The following SLC18A1 variants were observed in gnomAD, a reference collection of about 807,000 sequenced individuals.
The protein encoded by SLC18A1 is chromaffin granule amine transporter.
A neutral mutation model predicts 53.7 loss-of-function variants in SLC18A1; 69 were observed. That is an observed-to-expected ratio of 1.28 (90% CI 1.06 to 1.57). The LOEUF is 1.57. Ranked by LOEUF, SLC18A1 falls within the 40% of genes most tolerant of loss-of-function variation. The probability of loss-of-function intolerance (pLI) is 0.00; values close to 1 mark genes in which losing one functional copy is unlikely to be tolerated. For missense variants in SLC18A1, 932 were observed against 668.1 expected (o/e 1.40, Z -4.35); for synonymous variants, 320 against 248.1 (o/e 1.29, Z -2.72).
intron 8 of SLC18A1, among the ~76,000 whole-genome samples, chr8:20,170,891 C>T (rs1232698139): frequency 6.6e-6 from 1 of 152,166 alleles, no homozygotes; most frequent in Non-Finnish European, 1.5e-5. Flanking sequence ...GCACAAGGTT[C>T]TTCCACCATC....
chr8:20,166,321 A>G (rs188328337), intron 8 of SLC18A1, among the ~76,000 whole-genome samples: 4,355 of 97,070 alleles, frequency 0.045, 158 homozygotes, highest in Middle Eastern at 0.095. Flanking sequence ...ATATATATAT[A>G]TATATATATA....
rs1156842822 is a variant in SLC18A1 at position 20,180,876 on chromosome 8, G to C, written c.89C>G (p.Ala30Gly). Residue 30 changes from alanine to glycine, a missense_variant, in exon 2 of 16, where the codon GCT (alanine) becomes GGT (glycine). Physicochemically the swap from Ala to Gly is moderately conservative, Grantham distance 60. Coordinates refer to ENST00000276373, the MANE Select transcript of SLC18A1 (RefSeq NM_003053.4). ...AAACAGCATGTTGTCCAGGAGCAAA[G>C]CGACGAATACCACCACCAGCACCAG... ...RQLVLVVVFV[A>G]LLLDNMLFTV... The C allele has an allele frequency of 6.2e-7, 1 of 1,614,056 alleles. No individual in the cohort carries two copies. Among genetic ancestry groups the C allele is most frequent in the Non-Finnish European group, 8.5e-7 (1 of 1,179,968 alleles).
Position 20,171,151 on chromosome 8 carries a change from G to T in SLC18A1, c.815-5C>A, listed in dbSNP as rs368655923. The T allele has an allele frequency of 6.2e-7, 1 of 1,614,034 alleles. No individual in the cohort carries two copies. The highest frequency in any genetic ancestry group is 2.2e-5 in the East Asian group (1 of 44,896). The stretch of plus-strand genomic sequence containing the variant: ...GTAGGATGCAAAGCTGGAGTGCTAA[G>T]AAACAAAGAAGGTGAGACAGTTCAG... On this transcript the variant is annotated splice_region_variant and splice_polypyrimidine_tract_variant and intron_variant, in intron 7 of 15. Coordinates refer to ENST00000276373, the MANE Select transcript of SLC18A1 (RefSeq NM_003053.4).
chr8:20,176,396 G>A (rs898766715), intron 4 of SLC18A1, among the ~76,000 whole-genome samples: 1 of 152,162 alleles, frequency 6.6e-6, no homozygotes, highest in Non-Finnish European at 1.5e-5. Flanking sequence ...GCAGAACCAT[G>A]AGCCAACAAA....
chr8:20,170,626 A>G (rs538725855), intron 8 of SLC18A1, among the ~76,000 whole-genome samples: 1 of 152,276 alleles, frequency 6.6e-6, no homozygotes, highest in East Asian at 1.9e-4. Flanking sequence ...AGGGATATTC[A>G]CACAGGATGT....
At chr8:20,175,688 G>A (rs1363770909) in intron 4 of SLC18A1, 1 of 152,144 alleles carries the variant, frequency 6.6e-6, no homozygotes, top group Non-Finnish European at 1.5e-5. Context: ...CCAGAAAAAT[G>A]TCTCCTAGGG....
intron 8 of SLC18A1, among the ~76,000 whole-genome samples, chr8:20,166,326 T>C (rs2071962419): frequency 1.1e-5 from 1 of 93,816 alleles, no homozygotes; most frequent in Non-Finnish European, 2.1e-5. Flanking sequence ...TATATATATA[T>C]ATATACACCA....
At chr8:20,176,407 C>G (rs1216964257) in intron 4 of SLC18A1, among the ~76,000 whole-genome samples, 1 of 152,160 alleles carries the variant, frequency 6.6e-6, no homozygotes, top group Non-Finnish European at 1.5e-5. Flanking sequence ...AGCCAACAAA[C>G]CTCTTTCTAA....
intron 8 of SLC18A1, among the ~76,000 whole-genome samples, chr8:20,170,544 C>T (rs35946395): frequency 0.22 from 33,359 of 151,984 alleles, 3,824 homozygotes; most frequent in South Asian, 0.25. Flanking sequence ...ATGGATTTTC[C>T]AGAGCTGTTT....
In SLC18A1 at chr8:20,174,396, A is replaced by T. The variant is rs1411062954; in HGVS notation, c.596T>A (p.Leu199His). Residue 199 changes from leucine (L) to histidine (H), a missense_variant, in exon 5 of 16, where the codon CTT becomes CAT. Transcript: ENST00000276373. ...TYTLLFVART[L>H]QGIGSSFSSV... ...TGAAAATGAAGATCCAATGCCTTGA[A>T]GGGTTCGGGCCACAAAGAGTAGAGT... The T allele has an allele frequency of 1.2e-6, 2 of 1,613,994 alleles. No homozygotes were observed. Among genetic ancestry groups the T allele is most frequent in the Admixed American group, 3.3e-5 (2 of 59,998 alleles).
chr8:20,156,161 G>C (rs2128870757), intron 10 of SLC18A1, among the ~76,000 whole-genome samples: 1 of 152,092 alleles, frequency 6.6e-6, no homozygotes, highest in Non-Finnish European at 1.5e-5. Context: ...TCAATCTGTA[G>C]TGGCAACTGC....
intron 8 of SLC18A1, among the ~76,000 whole-genome samples, chr8:20,167,726 T>C (rs1378293226): frequency 6.6e-6 from 1 of 152,064 alleles, no homozygotes; most frequent in Non-Finnish European, 1.5e-5. Flanking sequence ...GTTCATGCCA[T>C]TCTCCTGCCT....
In SLC18A1 at chr8:20,147,404, C is replaced by T. The variant is rs765732863; in HGVS notation, c.1331-13G>A. On this transcript the variant is annotated splice_polypyrimidine_tract_variant and intron_variant, in intron 14 of 15. Coordinates refer to ENST00000276373, the MANE Select transcript of SLC18A1 (RefSeq NM_003053.4). ...CCGGTGGATGGACCTGGGAGGGATA[C>T]ATCAAAGTCATAAGTGTCTATGGAG... 1.0e-5 allele frequency: 16 copies of T among 1,600,244 alleles called. No homozygotes were observed. In the Admixed American group the frequency reaches 1.7e-4, roughly 17 times the overall value.
chr8:20,147,412 T>C (rs1031228814), intron 14 of SLC18A1, 21 bp from the exon 15 acceptor site: 15 of 1,597,578 alleles, frequency 9.4e-6, no homozygotes, highest in Non-Finnish European at 1.3e-5. Context: ...TACATCAAAG[T>C]CATAAGTGTC....
At position 20,145,233 on chromosome 8, in the gene SLC18A1, A is replaced by C. The variant is rs1322920313; in HGVS notation, c.*530T>G. 3.3e-5 allele frequency: 5 copies of C among 152,188 alleles called. No homozygotes were observed. The highest frequency in any genetic ancestry group is 1.2e-4 in the African/African-American group (5 of 41,428). 9.4% of individuals were successfully genotyped at this position (152,188 alleles called of 1,614,324 possible). A position where few individuals can be genotyped will look rare whatever the true frequency, so the allele number is the denominator to read the frequency against. ...TTATTAAAAAAAAAAATAAATGAAA[A>C]AAAACAAAACAAAACTCTTCAAGCT... On this transcript the variant is annotated 3_prime_UTR_variant, in exon 16 of 16. Transcript: ENST00000276373.
chr8:20,158,061 G>C (rs531713866), intron 10 of SLC18A1, among the ~76,000 whole-genome samples: 4 of 152,374 alleles, frequency 2.6e-5, no homozygotes, highest in African/African-American at 9.6e-5. Flanking sequence ...GCCACTAACA[G>C]ATGATCCAGC....
intron 10 of SLC18A1, among the ~76,000 whole-genome samples, chr8:20,157,887 C>A (rs1231829980): frequency 6.6e-6 from 1 of 152,148 alleles, no homozygotes; most frequent in Non-Finnish European, 1.5e-5. Flanking sequence ...AAAGCCTGGG[C>A]AAATCAAATG....
chr8:20,147,202 G>T (rs1372423940), intron 15 of SLC18A1, 56 bp downstream of exon 15: 1 of 1,548,776 alleles, frequency 6.5e-7, no homozygotes, highest in Non-Finnish European at 8.7e-7. Context: ...GGGAATGAGA[G>T]AGATGATGGA....
At chr8:20,148,457 G>A in intron 12 of SLC18A1, 1 of 1,290,862 alleles carries the variant, frequency 7.7e-7, no homozygotes, top group Non-Finnish European at 1.0e-6. Context: ...GAATAAAGTT[G>A]CCTCTGTTTT....
Sources: gnomAD v4.1 joint callset for allele counts (sites outside exome capture counted in the v4.1 genomes callset) on GRCh38, gnomAD v4.1.1 for gene constraint, MANE v1.5 for transcripts, NCBI Gene and HGNC (gene_info 2026-07-23, HGNC 2026-07-21) for gene names.